SULT1C3: variants seen among roughly 807,000 people sequenced by gnomAD.
The protein encoded by SULT1C3 is sulfotransferase family 1C member 3.
In SULT1C3, 31 loss-of-function variants were observed where a neutral mutation model predicts 28.4. The observed-to-expected ratio is 1.09, with a 90% CI of 0.82 to 1.47. SULT1C3 has a LOEUF of 1.47. SULT1C3 is among the 40% of genes most tolerant of loss of function. The pLI is 0.00. For synonymous variants in SULT1C3, 106 were observed against 92.2 expected, an observed-to-expected ratio of 1.15 and a Z score of -0.86; for missense variants, 307 against 272.5, an observed-to-expected ratio of 1.13 and a Z score of -0.89.
intron 5 of SULT1C3, among the ~76,000 whole-genome samples, chr2:108,257,798 G>A (rs534631177): frequency 4.6e-5 from 7 of 152,086 alleles, no homozygotes; most frequent in African/African-American, 9.6e-5. Context: ...TCAGGCATCC[G>A]CTGGGGGTCA....
intron 2 of SULT1C3, among the ~76,000 whole-genome samples, chr2:108,248,629 C>G (rs1022265028): frequency 6.6e-6 from 1 of 152,026 alleles, no homozygotes; most frequent in African/African-American, 2.4e-5. Flanking sequence ...TCCATAGAGC[C>G]TATAGCTCCA....
chr2:108,260,163 T>G (rs564725147), intron 7 of SULT1C3, among the ~76,000 whole-genome samples: 3 of 152,268 alleles, frequency 2.0e-5, no homozygotes, highest in African/African-American at 7.2e-5. Flanking sequence ...AAGTAATATC[T>G]TCTACAATGA....
chr2:108,243,946 T>C (rs1002432322), intron 1 of SULT1C3, among the ~76,000 whole-genome samples: 1 of 152,188 alleles, frequency 6.6e-6, no homozygotes, highest in Non-Finnish European at 1.5e-5. Context: ...TAGTTACAGG[T>C]CATGTATCCA....
Position 108,255,635 on chromosome 2 carries a change from G to C in SULT1C3, c.463G>C (p.Ala155Pro), listed in dbSNP as rs1275839837. ...LVSYYHFHRM[A>P]SFMPDPQNLE... ...GTCCTACTACCACTTTCACAGGATG[G>C]CTTCCTTTATGCCTGATCCTCAGAA... Residue 155 changes from alanine to proline, a missense_variant, in exon 5 of 8, where the codon GCT becomes CCT. Ala to Pro is a conservative substitution (Grantham distance 27). Coordinates refer to ENST00000681802, the MANE Select transcript of SULT1C3 (RefSeq NM_001320878.2). 3.7e-6 allele frequency: 6 copies of C among 1,611,736 alleles called. No individual in the cohort carries two copies. Among genetic ancestry groups the C allele is most frequent in the Non-Finnish European group, 5.1e-6 (6 of 1,178,446 alleles).
intron 2 of SULT1C3, among the ~76,000 whole-genome samples, chr2:108,247,705 G>C (rs1675623428): frequency 6.6e-6 from 1 of 152,110 alleles, no homozygotes; most frequent in Non-Finnish European, 1.5e-5. Flanking sequence ...CCTTCTAAAA[G>C]CATGTCCTAC....
chr2:108,242,919 GA>G (rs1333862366), intron 1 of SULT1C3, among the ~76,000 whole-genome samples: 1 of 152,154 alleles, frequency 6.6e-6, no homozygotes, highest in East Asian at 1.9e-4. Context: ...GCTTTTTCCA[GA>G]AAAACTTTTA....
chr2:108,252,994 GA>G (rs1675770873), intron 3 of SULT1C3, among the ~76,000 whole-genome samples: 1 of 151,560 alleles, frequency 6.6e-6, no homozygotes, highest in Non-Finnish European at 1.5e-5. Context: ...TTCCAAGAAT[GA>G]CAACCTATTG....
At chr2:108,262,471 G>A (rs1676045891), downstream of SULT1C3, among the ~76,000 whole-genome samples, 1 of 152,202 alleles carries the variant, frequency 6.6e-6, no homozygotes. Flanking sequence ...TGCAATGGAT[G>A]ATACCTGCCT....
chr2:108,260,475 A>G (rs1275852600), intron 7 of SULT1C3, 93 bp from the exon 8 acceptor site: 3 of 361,884 alleles, frequency 8.3e-6, no homozygotes, highest in African/African-American at 6.3e-5. Flanking sequence ...ACTCATGGGA[A>G]AATCACGTGG....
intron 5 of SULT1C3, among the ~76,000 whole-genome samples, chr2:108,257,699 C>T (rs1415584324): frequency 6.6e-6 from 1 of 151,922 alleles, no homozygotes; most frequent in Non-Finnish European, 1.5e-5. Context: ...ACTCACAGTG[C>T]CTAATATAAA....
At position 108,253,664 on chromosome 2, in the gene SULT1C3, T is replaced by G. The variant is rs200479401; in HGVS notation, c.399+222T>G. Among the ~76,000 whole-genome samples the G allele has an allele frequency of 2.0e-5, 3 of 152,068 alleles. No individual in the cohort carries two copies. In the East Asian group the frequency reaches 5.8e-4, roughly 29 times the overall value. On this transcript the variant is annotated intron_variant, in intron 4 of 7. Coordinates refer to ENST00000681802, the MANE Select transcript of SULT1C3 (RefSeq NM_001320878.2). The stretch of plus-strand genomic sequence containing the variant: ...TCCTCTAATCCTATTTCATGAAAAA[T>G]TCTTGGTAAGATTTTCCAAAATTGA...
intron 4 of SULT1C3, among the ~76,000 whole-genome samples, chr2:108,255,178 T>C (rs920772219): frequency 6.6e-6 from 1 of 152,048 alleles, no homozygotes. Context: ...CTCAACTCAT[T>C]GAGACACAGC....
At chr2:108,253,835 G>T (rs1675796163) in intron 4 of SULT1C3, among the ~76,000 whole-genome samples, 1 of 152,004 alleles carries the variant, frequency 6.6e-6, no homozygotes, top group Non-Finnish European at 1.5e-5. Flanking sequence ...ATCTGCTCTT[G>T]TCAAGGCTTC....
downstream of SULT1C3, among the ~76,000 whole-genome samples, chr2:108,263,616 T>G (rs1676070913): frequency 6.6e-6 from 1 of 152,162 alleles, no homozygotes; most frequent in Non-Finnish European, 1.5e-5. Flanking sequence ...ACTCTTTGTT[T>G]CAGGGGCTTA....
intron 2 of SULT1C3, among the ~76,000 whole-genome samples, chr2:108,249,981 A>T (rs899484027): frequency 6.6e-6 from 1 of 152,106 alleles, no homozygotes; most frequent in African/African-American, 2.4e-5. Flanking sequence ...CTATGGAAGT[A>T]TAGATAGGAG....
downstream of SULT1C3, chr2:108,265,080 T>G: frequency 6.7e-7 from 1 of 1,499,934 alleles, no homozygotes; most frequent in East Asian, 2.3e-5. Flanking sequence ...TTTCCAGTAA[T>G]GTTTCATTCT....
downstream of SULT1C3, among the ~76,000 whole-genome samples, chr2:108,263,674 A>C (rs1323661625): frequency 6.6e-6 from 1 of 152,206 alleles, no homozygotes; most frequent in Non-Finnish European, 1.5e-5. Flanking sequence ...CAGGGCTTTA[A>C]GAAAGCACAA....
At chr2:108,251,575 C>T (rs1192594012) in intron 2 of SULT1C3, among the ~76,000 whole-genome samples, 3 of 151,928 alleles carry the variant, frequency 2.0e-5, no homozygotes, top group African/African-American at 7.2e-5. Context: ...AGAACCTAAT[C>T]AAGACCTGGA....
chr2:108,264,784 G>C (rs765134550), downstream of SULT1C3: 1 of 1,553,248 alleles, frequency 6.4e-7, no homozygotes, highest in Non-Finnish European at 8.7e-7. Flanking sequence ...CCCAAGGGAA[G>C]ACCCAACATG....
Sources: allele counts gnomAD v4.1 joint callset (sites outside exome capture counted in the v4.1 genomes callset), GRCh38; gene constraint gnomAD v4.1.1; transcripts MANE v1.5; gene names NCBI Gene and HGNC (gene_info 2026-07-23, HGNC 2026-07-21).